ROBO2: variants seen among roughly 807,000 people sequenced by gnomAD.
ROBO2 encodes roundabout guidance receptor 2.
ROBO2 carries 53 observed loss-of-function variants against 160.8 expected under a neutral mutation model. That is an observed-to-expected ratio of 0.33 (90% CI 0.26 to 0.41). The LOEUF is 0.41. ROBO2 is among the 10% of genes least tolerant of loss of function. The pLI, the probability that ROBO2 is intolerant of heterozygous loss-of-function variation, is 1.00. For synonymous variants in ROBO2, 664 were observed against 611.7 expected, an observed-to-expected ratio of 1.09 and a Z score of -1.26; for missense variants, 1,577 against 1,722.4, an observed-to-expected ratio of 0.92 and a Z score of 1.49.
intron 2 of ROBO2, among the ~76,000 whole-genome samples, chr3:76,516,455 T>C (rs2081351556): frequency 1.3e-5 from 2 of 152,134 alleles, no homozygotes; most frequent in East Asian, 1.9e-4. Flanking sequence ...TCGTATTGAG[T>C]TGTAGATTCC....
intron 2 of ROBO2, among the ~76,000 whole-genome samples, chr3:76,898,379 T>C (rs2074971519): frequency 6.6e-6 from 1 of 152,040 alleles, no homozygotes; most frequent in Admixed American, 6.6e-5. Flanking sequence ...TGAGTATTAA[T>C]TTACCTTTTT....
chr3:77,155,147 G>T (rs2077892876), intron 2 of ROBO2, among the ~76,000 whole-genome samples: 1 of 152,078 alleles, frequency 6.6e-6, no homozygotes, highest in African/African-American at 2.4e-5. Context: ...AACTTTAGAT[G>T]ACTGTGGTAT....
At chr3:76,954,632 T>C (rs928989327) in intron 2 of ROBO2, among the ~76,000 whole-genome samples, 1 of 152,162 alleles carries the variant, frequency 6.6e-6, no homozygotes, top group Admixed American at 6.5e-5. Flanking sequence ...TTCTGGCTTA[T>C]AACAACATTG....
At chr3:76,994,589 A>C (rs1360423917) in intron 2 of ROBO2, among the ~76,000 whole-genome samples, 1 of 152,190 alleles carries the variant, frequency 6.6e-6, no homozygotes, top group East Asian at 1.9e-4. Context: ...GCAAGTAAGA[A>C]ATTCTTATTT....
chr3:76,491,100 C>T (rs117442372), intron 2 of ROBO2, among the ~76,000 whole-genome samples: 14,237 of 151,926 alleles, frequency 0.094, 947 homozygotes, highest in East Asian at 0.22. Context: ...GCTGGGATTA[C>T]AGGCGTGTGT....
At chr3:77,270,962 G>T (rs927132241) in intron 2 of ROBO2, among the ~76,000 whole-genome samples, 1 of 150,352 alleles carries the variant, frequency 6.7e-6, no homozygotes, top group South Asian at 2.1e-4. Flanking sequence ...AAAAAAAAAC[G>T]GTTTCTATGT....
intron 2 of ROBO2, among the ~76,000 whole-genome samples, chr3:76,076,833 T>C (rs531139782): frequency 6.6e-6 from 1 of 152,232 alleles, no homozygotes; most frequent in African/African-American, 2.4e-5. Context: ...ATTAAAGAGA[T>C]GCCATACATT....
chr3:76,124,688 A>C (rs1184204479), intron 2 of ROBO2, among the ~76,000 whole-genome samples: 1 of 152,090 alleles, frequency 6.6e-6, no homozygotes, highest in Non-Finnish European at 1.5e-5. Context: ...TAATTCAATA[A>C]AGTTACAATG....
intron 2 of ROBO2, among the ~76,000 whole-genome samples, chr3:77,133,907 C>T (rs72891542): frequency 0.095 from 14,435 of 152,054 alleles, 1,679 homozygotes; most frequent in African/African-American, 0.27. Context: ...CAAAATTGTT[C>T]AGAAAAAGAG....
At chr3:76,369,125 T>C (rs567825046) in intron 2 of ROBO2, among the ~76,000 whole-genome samples, 2 of 152,116 alleles carry the variant, frequency 1.3e-5, no homozygotes, top group South Asian at 4.1e-4. Context: ...CATGGCAATG[T>C]GGCTTCTTTC....
chr3:75,933,434 C>T (rs1355444787), intron 1 of ROBO2, among the ~76,000 whole-genome samples: 1 of 152,022 alleles, frequency 6.6e-6, no homozygotes, highest in Non-Finnish European at 1.5e-5. Context: ...CTGGCACAGC[C>T]CAAGTTTCAC....
intron 2 of ROBO2, among the ~76,000 whole-genome samples, chr3:76,533,573 C>T (rs1054237425): frequency 6.6e-6 from 1 of 152,176 alleles, no homozygotes. Flanking sequence ...GAAAGGCAAG[C>T]TTGTCACACG....
At chr3:76,008,249 A>G (rs1479481719) in intron 2 of ROBO2, among the ~76,000 whole-genome samples, 3 of 151,330 alleles carry the variant, frequency 2.0e-5, no homozygotes, top group African/African-American at 7.3e-5. Flanking sequence ...AAAAAAAAAA[A>G]AAAAAGAAAA....
At chr3:77,043,588 T>A (rs528547637) in intron 1 of ROBO2, among the ~76,000 whole-genome samples, 1 of 152,226 alleles carries the variant, frequency 6.6e-6, no homozygotes, top group Non-Finnish European at 1.5e-5. Flanking sequence ...TTCTTATTGA[T>A]GCAGATTAAT....
At chr3:76,904,655 T>G (rs2148893507) in intron 2 of ROBO2, among the ~76,000 whole-genome samples, 1 of 152,244 alleles carries the variant, frequency 6.6e-6, no homozygotes, top group East Asian at 1.9e-4. Context: ...GTCTGGGATT[T>G]AAGAACAGGC....
At chr3:77,053,150 A>G (rs1052286281) in intron 1 of ROBO2, among the ~76,000 whole-genome samples, 2 of 152,190 alleles carry the variant, frequency 1.3e-5, no homozygotes, top group African/African-American at 4.8e-5. Context: ...TCTGAGTTGC[A>G]TAGTTAGAAA....
chr3:76,129,029 CAT>C (rs2071116695), intron 2 of ROBO2, among the ~76,000 whole-genome samples: 1 of 147,744 alleles, frequency 6.8e-6, no homozygotes, highest in Admixed American at 6.8e-5. Flanking sequence ...TATGAATAAA[CAT>C]AGAACAAAGT....
chr3:77,277,002 G>A (rs970534550), intron 2 of ROBO2, among the ~76,000 whole-genome samples: 2 of 151,940 alleles, frequency 1.3e-5, no homozygotes, highest in African/African-American at 4.8e-5. Context: ...TGACTCATGG[G>A]GATTATTGCA....
At chr3:76,297,007 T>C (rs1011783322) in intron 2 of ROBO2, among the ~76,000 whole-genome samples, 1 of 152,200 alleles carries the variant, frequency 6.6e-6, no homozygotes, top group Non-Finnish European at 1.5e-5. Flanking sequence ...TGAGGAGATA[T>C]GAGGCATGAA....
Sources: allele counts gnomAD v4.1 joint callset (sites outside exome capture counted in the v4.1 genomes callset), GRCh38; gene constraint gnomAD v4.1.1; transcripts MANE v1.5; gene names NCBI Gene and HGNC (gene_info 2026-07-23, HGNC 2026-07-21).